HS6ST2: variants seen among roughly 807,000 people sequenced by gnomAD.
The protein encoded by HS6ST2 is heparan-sulfate 6-O-sulfotransferase 2.
HS6ST2 carries 17 observed loss-of-function variants against 33.0 expected under a neutral mutation model. The ratio of observed to expected loss-of-function variants is 0.52; its 90% CI spans 0.35 to 0.77. The LOEUF is 0.77. Ranked by LOEUF, HS6ST2 falls within the 30% of genes least tolerant of loss-of-function variation. The pLI, the probability that HS6ST2 is intolerant of heterozygous loss-of-function variation, is 0.01. For missense variants in HS6ST2, 519 were observed against 551.7 expected (o/e 0.94, Z 0.59); for synonymous variants, 248 against 237.1 (o/e 1.05, Z -0.42).
At chrX:132,825,458 G>A (rs2071385227) in intron 2 of HS6ST2, among the ~76,000 whole-genome samples, 1 of 111,302 alleles carries the variant, frequency 9.0e-6, no homozygotes, top group Admixed American at 9.6e-5. Context: ...CAATAGGGCT[G>A]GGGGGCGTCC....
intron 2 of HS6ST2, among the ~76,000 whole-genome samples, chrX:132,947,343 T>G (rs992932395): frequency 1.8e-5 from 2 of 110,627 alleles, no homozygotes; most frequent in Admixed American, 9.8e-5. Context: ...CTCTGTATCC[T>G]TATTCATTTT....
rs146708278 is a variant in HS6ST2, at chrX:132,825,869, C to T, written c.948-117375G>A. ...TCTCAGTTATAGCCAAGCTAATCTA[C>T]TCTCTGTGTCACAATGCTTCTGTAG... On this transcript the variant is annotated intron_variant, in intron 2 of 4. Coordinates refer to ENST00000370833, the MANE Select transcript of HS6ST2 (RefSeq NM_001394073.1). 3.9e-3 allele frequency among the ~76,000 whole-genome samples: 442 copies of T among 112,116 alleles called. 1 individual carries two copies. The highest frequency in any genetic ancestry group is 0.013 in the African/African-American group (394 of 30,893).
rs900953613 is a variant in HS6ST2, at chrX:132,899,082, G to A, written c.947+57726C>T. Among the ~76,000 whole-genome samples the A allele has an allele frequency of 4.5e-5, 5 of 111,571 alleles. No homozygotes were observed. The Admixed American group carries it at 4.8e-4, about 11-fold the overall frequency. On this transcript the variant is annotated intron_variant, in intron 2 of 4. Coordinates refer to ENST00000370833, the MANE Select transcript of HS6ST2 (RefSeq NM_001394073.1). ...AAATAAAATTAGCTGCAGGCTAAAG[G>A]CTACGTTGATACTACCCTAAGAAAG...
Position 132,929,064 on chromosome X carries a change from T to A in HS6ST2, c.947+27744A>T, listed in dbSNP as rs777006766. On this transcript the variant is annotated intron_variant, in intron 2 of 4. Coordinates refer to ENST00000370833, the MANE Select transcript of HS6ST2 (RefSeq NM_001394073.1). Reference sequence around the variant, plus strand: ...AGCAACAAAAGGCTAAGGGCATATTTGATAAAAATATATGGACTTTGAAAA... The same window carrying A: ...AGCAACAAAAGGCTAAGGGCATATTAGATAAAAATATATGGACTTTGAAAA... 7.2e-5 allele frequency among the ~76,000 whole-genome samples: 8 copies of A among 110,704 alleles called. No individual in the cohort carries two copies. The East Asian group carries it at 2.3e-3, about 32-fold the overall frequency.
At chrX:132,883,221 A>T (rs917054116) in intron 2 of HS6ST2, among the ~76,000 whole-genome samples, 2 of 110,999 alleles carry the variant, frequency 1.8e-5, no homozygotes, top group Non-Finnish European at 3.8e-5. Flanking sequence ...TCCTCCTTGT[A>T]CCTCTGGTAG....
chrX:132,955,934 A>AT (rs1274879957), intron 2 of HS6ST2, among the ~76,000 whole-genome samples: 3 of 112,433 alleles, frequency 2.7e-5, no homozygotes, highest in African/African-American at 6.5e-5. Flanking sequence ...CTTTTTAAAT[A>AT]TTTTTTGTAA....
intron 3 of HS6ST2, chrX:132,669,943 C>T (rs2063849714): frequency 8.9e-6 from 1 of 112,374 alleles, no homozygotes; most frequent in African/African-American, 3.2e-5. Flanking sequence ...TATTCTATTT[C>T]CTTTATCAAA....
At chrX:132,793,048 CT>C (rs755535720) in intron 2 of HS6ST2, among the ~76,000 whole-genome samples, 232 of 53,220 alleles carry the variant, frequency 4.4e-3, no homozygotes, top group African/African-American at 9.3e-3. Flanking sequence ...AAATAAACTC[CT>C]TTTTTTTTTT....
chrX:132,846,978 G>C (rs1482301446), intron 2 of HS6ST2, among the ~76,000 whole-genome samples: 1 of 111,375 alleles, frequency 9.0e-6, no homozygotes. Context: ...GTTAAGAGGA[G>C]AGTTCCCTGA....
intron 2 of HS6ST2, among the ~76,000 whole-genome samples, chrX:132,784,399 T>G (rs2148334409): frequency 9.0e-6 from 1 of 111,360 alleles, no homozygotes; most frequent in East Asian, 2.8e-4. Context: ...AACCGGCGCC[T>G]CCCAGGTTCA....
Position 132,958,478 on chromosome X carries a change from C to A in HS6ST2, c.125G>T (p.Arg42Leu). The change falls in exon 1 of 5, where the codon CGG becomes CTG. Residue 42 changes from arginine to leucine, a missense_variant. Arg to Leu is a moderately radical substitution (Grantham distance 102). Coordinates refer to ENST00000370833, the MANE Select transcript of HS6ST2 (RefSeq NM_001394073.1). ...AACTGAGGCGGCGACCGACCCGGGC[C>A]GGCTCGCTGCCAATTCGGCCTCTAC... is the stretch of plus-strand genomic sequence containing the variant. ...SRVEAELAAS[R>L]PGSVAASVRA... 8.4e-7 allele frequency: 1 copy of A among 1,195,904 alleles called. No individual in the cohort carries two copies. The highest frequency in any genetic ancestry group is 1.1e-6 in the Non-Finnish European group (1 of 889,282).
chrX:132,781,050 G>C (rs765265519), intron 2 of HS6ST2, among the ~76,000 whole-genome samples: 70 of 112,153 alleles, frequency 6.2e-4, no homozygotes, highest in African/African-American at 2.2e-3. Flanking sequence ...AAACACTCTG[G>C]ATTGACATGT....
chrX:132,793,078 TG>T (rs1311746617), intron 2 of HS6ST2, among the ~76,000 whole-genome samples: 3 of 93,874 alleles, frequency 3.2e-5, no homozygotes, highest in African/African-American at 4.0e-5. Flanking sequence ...TTTTTTTTTT[TG>T]AGATGGAGTC....
At chrX:132,809,958 G>A (rs1423195522) in intron 2 of HS6ST2, among the ~76,000 whole-genome samples, 1 of 112,019 alleles carries the variant, frequency 8.9e-6, no homozygotes, top group Non-Finnish European at 1.9e-5. Flanking sequence ...GAGACCAAGA[G>A]GCCTGAATCA....
At chrX:132,635,258 T>G in intron 4 of HS6ST2, among the ~76,000 whole-genome samples, 1 of 111,946 alleles carries the variant, frequency 8.9e-6, no homozygotes, top group East Asian at 2.8e-4. Context: ...GCTTAAGTCC[T>G]TTCCAGTTTC....
chrX:132,821,414 G>T (rs750534796), intron 2 of HS6ST2, among the ~76,000 whole-genome samples: 2 of 109,282 alleles, frequency 1.8e-5, no homozygotes, highest in Non-Finnish European at 3.8e-5. Flanking sequence ...GGGTTTCACC[G>T]TGTTAGCCAG....
intron 4 of HS6ST2, among the ~76,000 whole-genome samples, chrX:132,641,788 C>G (rs2063603439): frequency 8.9e-6 from 1 of 111,813 alleles, no homozygotes; most frequent in African/African-American, 3.2e-5. Context: ...AGCACAGCCT[C>G]AGGAGTCACA....
chrX:132,806,535 G>T (rs1276893157), intron 2 of HS6ST2, among the ~76,000 whole-genome samples: 2 of 109,738 alleles, frequency 1.8e-5, no homozygotes, highest in African/African-American at 3.3e-5. Flanking sequence ...GGTCGGCAAG[G>T]TGGCAAATAT....
At chrX:132,876,953 A>T (rs1345277998) in intron 2 of HS6ST2, among the ~76,000 whole-genome samples, 2 of 112,542 alleles carry the variant, frequency 1.8e-5, no homozygotes, top group Non-Finnish European at 3.8e-5. Flanking sequence ...AAGGACATGA[A>T]TTCTAAAAGA....
Sources: allele counts gnomAD v4.1 joint callset (sites outside exome capture counted in the v4.1 genomes callset), GRCh38; gene constraint gnomAD v4.1.1; transcripts MANE v1.5; gene names NCBI Gene and HGNC (gene_info 2026-07-23, HGNC 2026-07-21).